Variants in ASPHD2 observed in about 807,000 individuals in gnomAD.
The protein encoded by ASPHD2 is aspartate beta-hydroxylase domain containing 2.
Under a neutral mutation model 34.6 loss-of-function variants are expected in ASPHD2, and 12 were observed. The observed-to-expected ratio is 0.35, with a 90% CI of 0.22 to 0.56. ASPHD2 has a LOEUF of 0.56. Ranked by LOEUF, ASPHD2 falls within the 20% of genes least tolerant of loss-of-function variation. ASPHD2 has a pLI of 0.87. For synonymous variants in ASPHD2, 224 were observed against 212.2 expected (o/e 1.06, Z -0.48); for missense variants, 375 against 505.0 (o/e 0.74, Z 2.47).
rs753359088 is a variant in ASPHD2 at position 26,443,086 on chromosome 22, T to G, written c.1001-11T>G. On this transcript the variant is annotated splice_polypyrimidine_tract_variant and intron_variant, in intron 3 of 3. Coordinates refer to ENST00000215906, the MANE Select transcript of ASPHD2 (RefSeq NM_020437.5). Reference sequence around the variant, plus strand: ...TTTGAACCTGTCCTCTCACCCCTCCTTCCCCCCCAGGTTCAGCAGAGGATG... The same window carrying G: ...TTTGAACCTGTCCTCTCACCCCTCCGTCCCCCCCAGGTTCAGCAGAGGATG... 4 of 1,609,216 alleles carry G rather than the reference T, an allele frequency of 2.5e-6. No individual in the cohort carries two copies. Among genetic ancestry groups the G allele is most frequent in the Non-Finnish European group, 3.4e-6 (4 of 1,175,632 alleles).
rs1247108595 is a variant in ASPHD2 at position 26,438,586 on chromosome 22, CAT to C, written c.887-3865_887-3864del. ...ATATACACATACATATATATACATA[CAT>C]ATATATACACACATATATACATATA... is the stretch of plus-strand genomic sequence containing the variant. On this transcript the variant is annotated intron_variant, in intron 2 of 3. Transcript: ENST00000215906. Among the ~76,000 whole-genome samples, 10 of 127,030 alleles carry C rather than the reference CAT, an allele frequency of 7.9e-5. No individual in the cohort carries two copies. The East Asian group carries it at 8.4e-4, about 11-fold the overall frequency. 83.3% of individuals were successfully genotyped at this position (127,030 alleles called of 152,430 possible).
rs1262226912 is a variant in ASPHD2, at chr22:26,444,892, C to T, written c.*1686C>T. On this transcript the variant is annotated 3_prime_UTR_variant, in exon 4 of 4. Coordinates refer to ENST00000215906, the MANE Select transcript of ASPHD2 (RefSeq NM_020437.5). ...GAATCACTGAGGTGCATGATTTCTACACATCGTGACTGCTCTGCTCTGCGT... is the reference window on the plus strand; with the variant it reads ...GAATCACTGAGGTGCATGATTTCTATACATCGTGACTGCTCTGCTCTGCGT... 1.3e-5 allele frequency: 2 copies of T among 152,236 alleles called. No individual in the cohort carries two copies. The highest frequency in any genetic ancestry group is 2.9e-5 in the Non-Finnish European group (2 of 68,042). 9.4% of individuals were successfully genotyped at this position (152,236 alleles called of 1,614,324 possible).
intron 2 of ASPHD2, among the ~76,000 whole-genome samples, chr22:26,441,587 C>T (rs574425389): frequency 6.7e-6 from 1 of 148,250 alleles, no homozygotes; most frequent in East Asian, 2.0e-4. Flanking sequence ...GTCAGGAGTT[C>T]GAGATCAGCT....
intron 2 of ASPHD2, among the ~76,000 whole-genome samples, chr22:26,440,456 C>T (rs1370182754): frequency 6.6e-6 from 1 of 152,092 alleles, no homozygotes; most frequent in Non-Finnish European, 1.5e-5. Flanking sequence ...CTCAGCCTCC[C>T]GAGTAGCTGG....
Position 26,433,831 on chromosome 22 carries a change from G to A in ASPHD2, c.216G>A (p.Val72=). 3 of 1,613,996 alleles carry A rather than the reference G, an allele frequency of 1.9e-6. No homozygotes were observed. Among genetic ancestry groups the A allele is most frequent in the Non-Finnish European group, 2.5e-6 (3 of 1,180,034 alleles). The change falls in exon 2 of 4, where the codon GTG becomes GTA. Residue 72 remains valine, a synonymous_variant. Transcript: ENST00000215906. This position sits in a 1 kb window ranked among gnomAD's most constrained non-coding sequence, Gnocchi z 5.1. The stretch of plus-strand genomic sequence containing the variant: ...TGGCCTGCCTCCTGGTCCTCTTCGT[G>A]TGGTACTGTTATCACGTGGGCAGGG... The part of the protein sequence containing the change: ...ITVACLLVLF[V]WYCYHVGREQ...
intron 2 of ASPHD2, among the ~76,000 whole-genome samples, chr22:26,437,403 G>A (rs566593266): frequency 2.6e-5 from 4 of 152,320 alleles, no homozygotes; most frequent in Non-Finnish European, 4.4e-5. Context: ...CATATTTGCT[G>A]AGCCCTGCTG....
At chr22:26,442,431 A>G in intron 2 of ASPHD2, 28 bp from the exon 3 acceptor site, 1 of 1,516,830 alleles carries the variant, frequency 6.6e-7, no homozygotes, top group Non-Finnish European at 9.0e-7. Context: ...GCCTGCCTTC[A>G]CTCTCCTTTC....
chr22:26,442,967 G>C, intron 3 of ASPHD2, 130 bp from the exon 4 acceptor site: 1 of 718,660 alleles, frequency 1.4e-6, no homozygotes, highest in Non-Finnish European at 2.5e-6. Flanking sequence ...GAGGTGGTCC[G>C]ATCCGAGCCG....
chr22:26,431,439 AAAAC>A (rs2084755636), intron 1 of ASPHD2, among the ~76,000 whole-genome samples: 1 of 151,864 alleles, frequency 6.6e-6, no homozygotes, highest in Non-Finnish European at 1.5e-5. Context: ...AAAACAAAAG[AAAAC>A]AAAAAACAAC....
chr22:26,442,689 C>A, intron 3 of ASPHD2, 117 bp downstream of exon 3: 1 of 693,576 alleles, frequency 1.4e-6, no homozygotes, highest in Non-Finnish European at 2.4e-6. Context: ...CCCTTCATAT[C>A]ACCCCATAAC....
chr22:26,437,323 T>C (rs568954733), intron 2 of ASPHD2, among the ~76,000 whole-genome samples: 4 of 152,320 alleles, frequency 2.6e-5, no homozygotes, highest in Non-Finnish European at 5.9e-5. Flanking sequence ...CTGTGACTGA[T>C]GGAATTGTCC....
chr22:26,434,527 C>T (rs972879368), intron 2 of ASPHD2, 26 bp downstream of exon 2: 10 of 1,536,524 alleles, frequency 6.5e-6, no homozygotes, highest in Middle Eastern at 1.7e-4. Flanking sequence ...AGGGGTCTCC[C>T]GGCATGCACA....
Position 26,443,371 on chromosome 22 carries a change from T to A in ASPHD2, c.*165T>A. ...CATGTCGGGTCCCTCTTTCCCTTGGTTATTGTAAATGGAAACTTTTCGGCT... is the reference window on the plus strand; with the variant it reads ...CATGTCGGGTCCCTCTTTCCCTTGGATATTGTAAATGGAAACTTTTCGGCT... On this transcript the variant is annotated 3_prime_UTR_variant, in exon 4 of 4. Transcript: ENST00000215906. 3.3e-6 allele frequency: 2 copies of A among 597,376 alleles called. No individual in the cohort carries two copies. The highest frequency in any genetic ancestry group is 5.9e-6 in the Non-Finnish European group (2 of 340,964). The allele number at this position is 597,376 out of a possible 1,614,324, so 37.0% of individuals were successfully genotyped here.
In ASPHD2 at chr22:26,433,892, A is replaced by C. The variant is rs1334839094; in HGVS notation, c.277A>C (p.Met93Leu). Residue 93 changes from methionine to leucine, a missense_variant, in exon 2 of 4, where the codon ATG (methionine) becomes CTG (leucine). Met to Leu is a conservative substitution (Grantham distance 15, BLOSUM62 2). Transcript: ENST00000215906. This position sits in a 1 kb window ranked among gnomAD's most constrained non-coding sequence, Gnocchi z 5.1. The stretch of plus-strand genomic sequence containing the variant: ...GCCCTACGTCTCCGTCAACTCCCTC[A>C]TGCAGGCTGCCGATGCCAACGGGCT... ...PRPYVSVNSL[M>L]QAADANGLQN... The C allele has an allele frequency of 6.2e-7, 1 of 1,613,550 alleles. No homozygotes were observed. Among genetic ancestry groups the C allele is most frequent in the East Asian group, 2.2e-5 (1 of 44,872 alleles).
rs775196043 is a variant in ASPHD2 at position 26,434,325 on chromosome 22, G to T, written c.710G>T (p.Gly237Val). The T allele has an allele frequency of 6.2e-7, 1 of 1,614,200 alleles. No homozygotes were observed. The highest frequency in any genetic ancestry group is 8.5e-7 in the Non-Finnish European group (1 of 1,180,030). Reference sequence around the variant, plus strand: ...TTCACCTTTTACTTGGTCAATCAGGGGGTTTGTGTTCCCAGGAACTGTAGG... The same window carrying T: ...TTCACCTTTTACTTGGTCAATCAGGTGGTTTGTGTTCCCAGGAACTGTAGG... Reference protein sequence around the residue: ...EWFTFYLVNQGVCVPRNCRKC... With the variant: ...EWFTFYLVNQVVCVPRNCRKC... The change falls in exon 2 of 4, where the codon GGG (glycine) becomes GTG (valine). Residue 237 changes from glycine to valine, a missense_variant. Around this residue, in one of 3 missense-constraint regions of ASPHD2, gnomAD observed 142 missense variants for 217.9 expected, o/e 0.65. Transcript: ENST00000215906.
At position 26,433,946 on chromosome 22, in the gene ASPHD2, CCT is replaced by C; in HGVS notation, c.332_333del (p.Pro111ArgfsTer76). 1 of 1,613,620 alleles carries C rather than the reference CCT, an allele frequency of 6.2e-7. No individual in the cohort carries two copies. Among genetic ancestry groups the C allele is most frequent in the Non-Finnish European group, 8.5e-7 (1 of 1,180,034 alleles). ...GAATGGCTACGTGTACTGCCAGTCC[CCT>C]GAGTGCGTGCGCTGCACCCACAACG... is the stretch of plus-strand genomic sequence containing the variant. ...LQNGYVYCQS[P>X]ECVRCTHNEG... On this transcript the variant is annotated frameshift_variant, in exon 2 of 4. Coordinates refer to ENST00000215906, the MANE Select transcript of ASPHD2 (RefSeq NM_020437.5). LOFTEE classifies it high-confidence loss of function. This position sits in a 1 kb window ranked among gnomAD's most constrained non-coding sequence, Gnocchi z 5.1.
chr22:26,443,015 G>C, intron 3 of ASPHD2, 82 bp from the exon 4 acceptor site: 1 of 1,005,094 alleles, frequency 9.9e-7, no homozygotes, highest in Non-Finnish European at 1.6e-6. Flanking sequence ...AGCTGAGCAC[G>C]TAGGGTCCAG....
intron 2 of ASPHD2, among the ~76,000 whole-genome samples, chr22:26,435,710 T>TAAAAGAAAAGAAAAGAAAAGAAAAG (rs139306199): frequency 5.5e-5 from 8 of 146,022 alleles, no homozygotes; most frequent in Middle Eastern, 3.5e-3. Flanking sequence ...ATCACTGCAC[T>TAAAAGAAAAGAAAAGAAAAGAAAAG]AAAAGAAAAG....
intron 1 of ASPHD2, among the ~76,000 whole-genome samples, chr22:26,432,153 C>T (rs2084760689): frequency 6.6e-6 from 1 of 152,212 alleles, no homozygotes; most frequent in South Asian, 2.1e-4. Flanking sequence ...CAAGATTGCA[C>T]CATTGCACCC....
Sources: allele counts gnomAD v4.1 joint callset (sites outside exome capture counted in the v4.1 genomes callset), GRCh38; gene constraint gnomAD v4.1.1; regional missense constraint gnomAD v4.1.1; non-coding constraint Gnocchi (gnomAD v3.1); transcripts MANE v1.5; gene names NCBI Gene and HGNC (gene_info 2026-07-23, HGNC 2026-07-21).